Variants in FOXP2 observed in about 807,000 individuals in gnomAD.
FOXP2 encodes the protein forkhead box P2, also known as forkhead box protein P2.
Under a neutral mutation model 115.8 loss-of-function variants are expected in FOXP2, and 12 were observed. The observed-to-expected ratio is 0.10, with a 90% CI of 0.07 to 0.17. The LOEUF (loss-of-function observed/expected upper bound fraction) is 0.17, where lower values mean the gene tolerates loss of function less well. Among genes scored for constraint, FOXP2 ranks in the 10% least tolerant of loss-of-function variants. FOXP2 has a pLI of 1.00. For missense variants in FOXP2, 629 were observed against 843.5 expected (o/e 0.75, Z 3.15); for synonymous variants, 328 against 297.7 (o/e 1.10, Z -1.05).
chr7:114,147,019 A>G (rs908673335), intron 1 of FOXP2, among the ~76,000 whole-genome samples: 1 of 152,200 alleles, frequency 6.6e-6, no homozygotes, highest in East Asian at 1.9e-4. Flanking sequence ...TTTAAAAGTC[A>G]GTGTCCCTAC....
chr7:114,295,843 T>G (rs1796731054), intron 2 of FOXP2, among the ~76,000 whole-genome samples: 1 of 152,206 alleles, frequency 6.6e-6, no homozygotes, highest in Non-Finnish European at 1.5e-5. Flanking sequence ...CTTTGCCTTA[T>G]TCCAACTTTT....
In FOXP2 at chr7:114,224,474, T is replaced by G. The variant is rs116133948; in HGVS notation, c.-102+61386T>G. Among the ~76,000 whole-genome samples, 744 of 152,284 alleles carry G rather than the reference T, an allele frequency of 4.9e-3. 9 individuals are homozygous for G. Among genetic ancestry groups the G allele is most frequent in the African/African-American group, 0.017 (703 of 41,556 alleles). On this transcript the variant is annotated intron_variant, in intron 1 of 17. Coordinates refer to the FOXP2 transcript ENST00000634411. Reference sequence around the variant, plus strand: ...ATGACTGTGTACAAATTTCTAGAGATTTATTCTCATATGCCTTGGGTTTCT... The same window carrying G: ...ATGACTGTGTACAAATTTCTAGAGAGTTATTCTCATATGCCTTGGGTTTCT...
intron 2 of FOXP2, among the ~76,000 whole-genome samples, chr7:114,302,140 G>C (rs1458178001): frequency 6.6e-6 from 1 of 152,084 alleles, no homozygotes; most frequent in Non-Finnish European, 1.5e-5. Flanking sequence ...ATTGACTTCT[G>C]TCTTACATGT....
chr7:114,332,110 G>A (rs934683364), intron 2 of FOXP2, among the ~76,000 whole-genome samples: 2 of 152,022 alleles, frequency 1.3e-5, no homozygotes, highest in Non-Finnish European at 2.9e-5. Flanking sequence ...GTGGGCATAT[G>A]AACGTGTGTG....
At chr7:114,253,286 G>T (rs1448165548) in intron 1 of FOXP2, among the ~76,000 whole-genome samples, 2 of 152,096 alleles carry the variant, frequency 1.3e-5, no homozygotes, top group Non-Finnish European at 2.9e-5. Flanking sequence ...GGGGTGGAGA[G>T]TTCTGTAGAT....
At chr7:114,660,415 G>A (rs1352495051) in intron 13 of FOXP2, among the ~76,000 whole-genome samples, 1 of 152,166 alleles carries the variant, frequency 6.6e-6, no homozygotes, top group Non-Finnish European at 1.5e-5. Context: ...TGGTACAAAA[G>A]GGGAAAATGT....
intron 2 of FOXP2, among the ~76,000 whole-genome samples, chr7:114,480,606 C>A (rs964787237): frequency 6.7e-6 from 1 of 149,306 alleles, no homozygotes; most frequent in Non-Finnish European, 1.5e-5. Context: ...TTCATATATA[C>A]ATATATAAAC....
intron 1 of FOXP2, among the ~76,000 whole-genome samples, chr7:114,425,099 T>C (rs1793784636): frequency 6.6e-6 from 1 of 151,606 alleles, no homozygotes; most frequent in African/African-American, 2.4e-5. Flanking sequence ...GTGCATCGCA[T>C]TTTAAAAGAT....
At chr7:114,175,042 C>A (rs1437388262) in intron 1 of FOXP2, among the ~76,000 whole-genome samples, 1 of 151,894 alleles carries the variant, frequency 6.6e-6, no homozygotes, top group East Asian at 1.9e-4. Flanking sequence ...AGGGTTGTAA[C>A]AAAGAAGCAG....
chr7:114,169,748 T>C (rs1793087970), intron 1 of FOXP2, among the ~76,000 whole-genome samples: 1 of 152,172 alleles, frequency 6.6e-6, no homozygotes, highest in African/African-American at 2.4e-5. Flanking sequence ...AATCTTACCT[T>C]GTAGCTCCCA....
chr7:114,678,961 A>G (rs574051473), intron 16 of FOXP2, among the ~76,000 whole-genome samples: 2 of 152,268 alleles, frequency 1.3e-5, no homozygotes, highest in Middle Eastern at 3.4e-3. Flanking sequence ...AGGCTCTTCT[A>G]TCTCCTTGGT....
Position 114,430,649 on chromosome 7 carries a change from A to G in FOXP2, c.168+3970A>G, listed in dbSNP as rs187187732. 3.3e-5 allele frequency among the ~76,000 whole-genome samples: 5 copies of G among 151,948 alleles called. No individual in the cohort carries two copies. In the South Asian group the frequency reaches 8.3e-4, roughly 25 times the overall value. ...ACAACCAAATTCCTGTCTTTGGCAT[A>G]TTGGATTTATTGTTCATTGTACTGT... On this transcript the variant is annotated intron_variant, in intron 2 of 16. Coordinates refer to ENST00000350908, the MANE Select transcript of FOXP2 (RefSeq NM_014491.4).
At chr7:114,240,630 A>T (rs1795127861) in intron 1 of FOXP2, among the ~76,000 whole-genome samples, 1 of 152,022 alleles carries the variant, frequency 6.6e-6, no homozygotes, top group South Asian at 2.1e-4. Context: ...TAGAGAAGAA[A>T]ATTACTTAAT....
chr7:114,336,061 C>G (rs187585945), intron 2 of FOXP2, among the ~76,000 whole-genome samples: 1 of 151,712 alleles, frequency 6.6e-6, no homozygotes, highest in Admixed American at 6.6e-5. Context: ...ATACAAAGCT[C>G]TATGGACTTG....
At chr7:114,267,513 G>A (rs1258945034) in intron 1 of FOXP2, among the ~76,000 whole-genome samples, 1 of 151,848 alleles carries the variant, frequency 6.6e-6, no homozygotes, top group Non-Finnish European at 1.5e-5. Flanking sequence ...CAGATCACGA[G>A]TTCAGGAGAT....
At chr7:114,298,851 T>G (rs146635477) in intron 2 of FOXP2, among the ~76,000 whole-genome samples, 153 of 152,328 alleles carry the variant, frequency 1.0e-3, no homozygotes, top group African/African-American at 3.4e-3. Flanking sequence ...CGAAATCAGT[T>G]AACTTCTGAA....
intron 2 of FOXP2, among the ~76,000 whole-genome samples, chr7:114,374,593 A>G (rs1044383831): frequency 1.3e-5 from 2 of 152,246 alleles, no homozygotes; most frequent in Non-Finnish European, 2.9e-5. Context: ...TATCCAGCGG[A>G]ATTAAGGAAT....
chr7:114,160,782 C>CTCTG (rs1554424195), upstream of FOXP2, among the ~76,000 whole-genome samples: 5 of 147,364 alleles, frequency 3.4e-5, no homozygotes, highest in East Asian at 8.1e-4. Context: ...AGTATATTTT[C>CTCTG]TGTGTGTGTG....
At chr7:114,406,880 T>C (rs1294027125) in intron 2 of FOXP2, among the ~76,000 whole-genome samples, 1 of 152,010 alleles carries the variant, frequency 6.6e-6, no homozygotes, top group African/African-American at 2.4e-5. Context: ...CCTATGGTAA[T>C]TTAGACTAAC....
Sources: allele counts gnomAD v4.1 joint callset (sites outside exome capture counted in the v4.1 genomes callset), GRCh38; gene constraint gnomAD v4.1.1; transcripts MANE v1.5; gene names NCBI Gene and HGNC (gene_info 2026-07-23, HGNC 2026-07-21).